CA10: variants seen among roughly 807,000 people sequenced by gnomAD.
CA10 encodes carbonic anhydrase-related protein 10.
CA10 carries 14 observed loss-of-function variants against 44.2 expected under a neutral mutation model. The observed-to-expected ratio is 0.32, with a 90% CI of 0.21 to 0.50. CA10 has a LOEUF of 0.50. Among genes scored for constraint, CA10 ranks in the 20% least tolerant of loss-of-function variants. The pLI is 0.99. For synonymous variants in CA10, 159 were observed against 141.6 expected, an observed-to-expected ratio of 1.12 and a Z score of -0.87; for missense variants, 350 against 409.7, an observed-to-expected ratio of 0.85 and a Z score of 1.26.
intron 2 of CA10, among the ~76,000 whole-genome samples, chr17:52,016,022 C>T: frequency 6.6e-6 from 1 of 152,010 alleles, no homozygotes; most frequent in East Asian, 1.9e-4. Flanking sequence ...TTGGAGTCTA[C>T]TTCTGCTCAC....
At chr17:51,790,815 C>T (rs1028789029) in intron 3 of CA10, among the ~76,000 whole-genome samples, 1 of 152,110 alleles carries the variant, frequency 6.6e-6, no homozygotes, top group Non-Finnish European at 1.5e-5. Flanking sequence ...AACTAAATGC[C>T]ACTTTAAAGT....
At chr17:52,003,385 G>A (rs1985494325) in intron 2 of CA10, among the ~76,000 whole-genome samples, 1 of 151,790 alleles carries the variant, frequency 6.6e-6, no homozygotes, top group African/African-American at 2.4e-5. Flanking sequence ...AAATACCACA[G>A]TACATTGTAA....
At chr17:51,782,545 A>G (rs946835541) in intron 3 of CA10, among the ~76,000 whole-genome samples, 6 of 152,218 alleles carry the variant, frequency 3.9e-5, no homozygotes, top group African/African-American at 1.2e-4. Context: ...GAAAAGGCCA[A>G]GCTTGCTTCT....
chr17:52,136,108 G>A (rs1989351147), intron 1 of CA10, among the ~76,000 whole-genome samples: 2 of 152,166 alleles, frequency 1.3e-5, no homozygotes, highest in South Asian at 2.1e-4. Flanking sequence ...CTGATATAAA[G>A]CACTGTGTGG....
intron 3 of CA10, among the ~76,000 whole-genome samples, chr17:51,857,977 A>G (rs925768825): frequency 3.3e-5 from 5 of 152,138 alleles, no homozygotes; most frequent in African/African-American, 1.2e-4. Flanking sequence ...ACTGTCTGAA[A>G]TTCAGGGGAA....
In CA10 at chr17:51,833,196, G is replaced by A. The variant is rs559635303; in HGVS notation, c.280-85378C>T. On this transcript the variant is annotated intron_variant, in intron 3 of 8. Coordinates refer to ENST00000451037, the MANE Select transcript of CA10 (RefSeq NM_020178.5). The stretch of plus-strand genomic sequence containing the variant: ...CCAGGTATCCAGGCTTCTCCCTTGA[G>A]CATTAGTGAGAGTAGCTTGTTCTGA... 3.3e-5 allele frequency among the ~76,000 whole-genome samples: 5 copies of A among 152,264 alleles called. No homozygotes were observed. In the South Asian group the frequency reaches 1.0e-3, roughly 32 times the overall value.
intron 4 of CA10, among the ~76,000 whole-genome samples, chr17:51,707,671 A>ATGTGTGTGTGTGTGTGTGTG (rs3031847): frequency 0.022 from 3,175 of 142,854 alleles, 54 homozygotes; most frequent in East Asian, 0.081. Context: ...GTGGATGAAT[A>ATGTGTGTGTGTGTGTGTGTG]TGTGTGTGTG....
intron 2 of CA10, among the ~76,000 whole-genome samples, chr17:51,984,184 G>A (rs984014428): frequency 6.6e-6 from 1 of 151,502 alleles, no homozygotes; most frequent in Non-Finnish European, 1.5e-5. Flanking sequence ...ATAGTATGAT[G>A]GGAAAAGAGA....
At chr17:52,024,797 T>C (rs1392280483) in intron 2 of CA10, among the ~76,000 whole-genome samples, 1 of 152,122 alleles carries the variant, frequency 6.6e-6, no homozygotes, top group Non-Finnish European at 1.5e-5. Context: ...GTGCTTAGAA[T>C]AGTGTCTTAT....
rs142946800 is a variant in CA10 at position 51,648,240 on chromosome 17, T to A, written c.634+942A>T. Among the ~76,000 whole-genome samples the A allele has an allele frequency of 5.8e-3, 891 of 152,312 alleles. 10 individuals are homozygous for A. Among genetic ancestry groups the A allele is most frequent in the African/African-American group, 0.02 (844 of 41,576 alleles). On this transcript the variant is annotated intron_variant, in intron 6 of 8. Coordinates refer to ENST00000451037, the MANE Select transcript of CA10 (RefSeq NM_020178.5). ...AGACACAGCTGAGCTCCTGGCTTGG[T>A]GAAGGGCATGCCAAGGGGATGTGGG...
intron 4 of CA10, among the ~76,000 whole-genome samples, chr17:51,718,482 G>A (rs942046768): frequency 2.6e-5 from 4 of 152,112 alleles, no homozygotes; most frequent in African/African-American, 9.7e-5. Flanking sequence ...CTTGGAGAGG[G>A]CACAGAAGCT....
chr17:51,742,665 G>A (rs993740760), intron 4 of CA10, among the ~76,000 whole-genome samples: 1 of 152,114 alleles, frequency 6.6e-6, no homozygotes, highest in Non-Finnish European at 1.5e-5. Flanking sequence ...GAGAAAGCAA[G>A]AGAGAAAGCC....
intron 2 of CA10, among the ~76,000 whole-genome samples, chr17:51,963,142 C>T (rs914111150): frequency 6.6e-6 from 1 of 152,058 alleles, no homozygotes; most frequent in Non-Finnish European, 1.5e-5. Flanking sequence ...TAACAATAGA[C>T]TGGACTAGAA....
rs779515865 is a variant in CA10, at chr17:51,931,065, T to A, written c.204A>T (p.Pro68=). 61 of 1,613,566 alleles carry A rather than the reference T, an allele frequency of 3.8e-5. No homozygotes were observed. The highest frequency in any genetic ancestry group is 5.0e-5 in the Non-Finnish European group (59 of 1,179,712). ...NLCSVGKRQS[P]VNIETSHMIF... is the part of the protein sequence containing the mutation. ...TCATGTGACTGGTCTCTATGTTGACTGGCGACTGCCGTTTCCCCACAGAGC... is the reference window on the plus strand; with the variant it reads ...TCATGTGACTGGTCTCTATGTTGACAGGCGACTGCCGTTTCCCCACAGAGC... The change falls in exon 3 of 9, where the codon CCA becomes CCT. Residue 68 remains proline, a synonymous_variant. Coordinates refer to ENST00000451037, the MANE Select transcript of CA10 (RefSeq NM_020178.5).
rs562140259 is a variant in CA10 at position 51,790,463 on chromosome 17, T to C, written c.280-42645A>G. 7.2e-5 allele frequency among the ~76,000 whole-genome samples: 11 copies of C among 152,358 alleles called. 1 individual carries two copies. In the South Asian group the frequency reaches 2.3e-3, roughly 32 times the overall value. ...GCAAATCCATAATGATTCACCCTCCTGACCTGTCACTTTCCCAGTTCTAGT... is the reference window on the plus strand; with the variant it reads ...GCAAATCCATAATGATTCACCCTCCCGACCTGTCACTTTCCCAGTTCTAGT... On this transcript the variant is annotated intron_variant, in intron 3 of 8. Coordinates refer to ENST00000451037, the MANE Select transcript of CA10 (RefSeq NM_020178.5).
chr17:51,889,880 A>G (rs1197031055), intron 3 of CA10, among the ~76,000 whole-genome samples: 1 of 152,204 alleles, frequency 6.6e-6, no homozygotes, highest in Non-Finnish European at 1.5e-5. Flanking sequence ...TTAGCTGAAC[A>G]CCCACTGGAG....
intron 4 of CA10, 124 bp downstream of exon 4, chr17:51,747,509 A>G (rs1250365249): frequency 2.7e-6 from 2 of 735,644 alleles, no homozygotes; most frequent in Non-Finnish European, 4.4e-6. Context: ...GAAAGAAGGC[A>G]TGGGCCTTCT....
chr17:51,657,994 A>T (rs1913858418), intron 4 of CA10, among the ~76,000 whole-genome samples: 1 of 152,222 alleles, frequency 6.6e-6, no homozygotes, highest in African/African-American at 2.4e-5. Context: ...AAATTATTTA[A>T]TAATCTTGAT....
intron 3 of CA10, among the ~76,000 whole-genome samples, chr17:51,750,282 G>C (rs1175336506): frequency 6.6e-6 from 1 of 151,928 alleles, no homozygotes; most frequent in Non-Finnish European, 1.5e-5. Flanking sequence ...CATACTTATA[G>C]ACCCATAATT....
Sources: allele counts gnomAD v4.1 joint callset (sites outside exome capture counted in the v4.1 genomes callset), GRCh38; gene constraint gnomAD v4.1.1; transcripts MANE v1.5; gene names NCBI Gene and HGNC (gene_info 2026-07-23, HGNC 2026-07-21).